Variants in IQCK observed in about 807,000 individuals in gnomAD.
IQCK encodes the protein IQ domain-containing protein K.
IQCK carries 29 observed loss-of-function variants against 28.1 expected under a neutral mutation model. That is an observed-to-expected ratio of 1.03 (90% CI 0.77 to 1.41). The LOEUF is 1.41. Among genes scored for constraint, IQCK ranks in the 40% most tolerant of loss-of-function variants. The pLI, the probability that IQCK is intolerant of heterozygous loss-of-function variation, is 0.00. For synonymous variants in IQCK, 113 were observed against 115.1 expected (o/e 0.98, Z 0.12); for missense variants, 359 against 314.7 (o/e 1.14, Z -1.07).
intron 6 of IQCK, among the ~76,000 whole-genome samples, chr16:19,773,342 C>T (rs2055342984): frequency 6.6e-6 from 1 of 152,138 alleles, no homozygotes; most frequent in Non-Finnish European, 1.5e-5. Context: ...CACAACTTCC[C>T]AACCAATTCT....
At chr16:19,832,589 C>G (rs1011900947) in intron 9 of IQCK, among the ~76,000 whole-genome samples, 1 of 152,090 alleles carries the variant, frequency 6.6e-6, no homozygotes, top group African/African-American at 2.4e-5. Context: ...TACTTAACTT[C>G]AAGGCCTAGG....
At chr16:19,785,255 T>C (rs1410433676) in intron 6 of IQCK, among the ~76,000 whole-genome samples, 1 of 152,182 alleles carries the variant, frequency 6.6e-6, no homozygotes, top group Non-Finnish European at 1.5e-5. Context: ...CTTTGGCCGA[T>C]CTGCTGGGTG....
chr16:19,808,773 C>T (rs912308618), intron 7 of IQCK, among the ~76,000 whole-genome samples: 1 of 152,230 alleles, frequency 6.6e-6, no homozygotes, highest in African/African-American at 2.4e-5. Context: ...TGCAGTTGCA[C>T]AGGGCAGTGC....
intron 1 of IQCK, among the ~76,000 whole-genome samples, chr16:19,722,212 A>G (rs900603834): frequency 2.0e-5 from 3 of 152,166 alleles, no homozygotes; most frequent in African/African-American, 7.2e-5. Flanking sequence ...ACCTCTTAGC[A>G]TAGGATGCGT....
chr16:19,837,667 G>A (rs1031350523), intron 9 of IQCK, among the ~76,000 whole-genome samples: 9 of 152,182 alleles, frequency 5.9e-5, no homozygotes, highest in African/African-American at 1.9e-4. Context: ...AAAGCTGTCA[G>A]CAAAAATAAA....
intron 4 of IQCK, 188 bp downstream of exon 4, chr16:19,735,638 A>G (rs1291860842): frequency 3.5e-6 from 2 of 579,124 alleles, no homozygotes; most frequent in Non-Finnish European, 6.2e-6. Context: ...ATGCGCTGCC[A>G]TCTGTCTGGC....
At chr16:19,739,775 A>G (rs1360564436) in intron 4 of IQCK, among the ~76,000 whole-genome samples, 1 of 152,134 alleles carries the variant, frequency 6.6e-6, no homozygotes, top group Non-Finnish European at 1.5e-5. Context: ...TGATGGCGCC[A>G]CTGCACTCCA....
chr16:19,736,936 C>T (rs1978031567), intron 4 of IQCK, among the ~76,000 whole-genome samples: 1 of 150,644 alleles, frequency 6.6e-6, no homozygotes, highest in Non-Finnish European at 1.5e-5. Context: ...TTGTCTGAGC[C>T]CAGGAGTTCG....
chr16:19,729,432 C>T (rs965424650), intron 1 of IQCK, among the ~76,000 whole-genome samples: 1 of 151,762 alleles, frequency 6.6e-6, no homozygotes, highest in Non-Finnish European at 1.5e-5. Flanking sequence ...GTTAGCCTCT[C>T]CTCCGCATGT....
intron 6 of IQCK, among the ~76,000 whole-genome samples, chr16:19,781,720 G>C (rs184917719): frequency 6.6e-6 from 1 of 152,284 alleles, no homozygotes; most frequent in Non-Finnish European, 1.5e-5. Flanking sequence ...AGGGCGTGGT[G>C]GCTCACGCCT....
chr16:19,813,486 A>G (rs1184257495), intron 7 of IQCK, among the ~76,000 whole-genome samples: 1 of 152,250 alleles, frequency 6.6e-6, no homozygotes, highest in East Asian at 1.9e-4. Context: ...CAGCAGCAGT[A>G]TATGCCAGAA....
In IQCK at chr16:19,820,648, C is replaced by CAAA. The variant is rs35161795; in HGVS notation, c.691-6363_691-6361dup. 8.1e-4 allele frequency among the ~76,000 whole-genome samples: 88 copies of CAAA among 109,076 alleles called. 1 individual carries two copies. Among genetic ancestry groups the CAAA allele is most frequent in the African/African-American group, 2.7e-3 (85 of 31,134 alleles). 71.6% of individuals were successfully genotyped at this position (109,076 alleles called of 152,430 possible). On this transcript the variant is annotated intron_variant, in intron 7 of 7. Coordinates refer to ENST00000564186, the Ensembl canonical transcript of IQCK. ...TGGGCACCAGAGGGAAACTCTGTATCAAAAAAAAAAAAAAAAAGATAAATT... is the reference window on the plus strand; with the variant it reads ...TGGGCACCAGAGGGAAACTCTGTATCAAAAAAAAAAAAAAAAAAAAGATAAATT...
chr16:19,842,524 A>T (rs772683736), intron 9 of IQCK, among the ~76,000 whole-genome samples: 18 of 152,140 alleles, frequency 1.2e-4, no homozygotes, highest in Admixed American at 1.3e-4. Context: ...TCTTCTGTAA[A>T]ATTTTTTCTT....
rs2056137850 is a variant in IQCK, at chr16:19,825,585, T to G, written c.691-1441T>G. ...GCTCTCACCTGTAATCCCAGCACTT[T>G]TAGAGGCCAAGGCTTGAGCCCAGGA... is the stretch of plus-strand genomic sequence containing the variant. On this transcript the variant is annotated intron_variant, in intron 7 of 7. Coordinates refer to ENST00000564186, the Ensembl canonical transcript of IQCK. This position sits in a 1 kb window ranked among gnomAD's most constrained non-coding sequence, Gnocchi z 4.2. 6.6e-6 allele frequency among the ~76,000 whole-genome samples: 1 copy of G among 151,946 alleles called. No homozygotes were observed. Among genetic ancestry groups the G allele is most frequent in the South Asian group, 2.1e-4 (1 of 4,818 alleles).
chr16:19,774,065 A>G (rs2055354749), intron 6 of IQCK, among the ~76,000 whole-genome samples: 1 of 152,208 alleles, frequency 6.6e-6, no homozygotes, highest in African/African-American at 2.4e-5. Context: ...AGAAGATGAC[A>G]GTGAGTCAAA....
At chr16:19,828,191 C>T (rs1289753275), downstream of IQCK, among the ~76,000 whole-genome samples, 2 of 150,602 alleles carry the variant, frequency 1.3e-5, no homozygotes, top group Non-Finnish European at 2.9e-5. Context: ...GGATTACAGG[C>T]ATGAGCCAGC....
intron 6 of IQCK, among the ~76,000 whole-genome samples, chr16:19,780,207 A>T (rs1435793195): frequency 6.6e-6 from 1 of 151,698 alleles, no homozygotes; most frequent in Non-Finnish European, 1.5e-5. Flanking sequence ...TTGCCTGGCT[A>T]ATTTTTGTAT....
At chr16:19,734,897 G>A (rs963534663) in intron 3 of IQCK, among the ~76,000 whole-genome samples, 7 of 152,068 alleles carry the variant, frequency 4.6e-5, no homozygotes, top group Non-Finnish European at 8.8e-5. Context: ...GGCCCTCCCT[G>A]GTACCAGACC....
rs1342448686 is a variant in IQCK, at chr16:19,746,345, A to G, written c.474+10895A>G. Among the ~76,000 whole-genome samples the G allele has an allele frequency of 2.0e-5, 3 of 152,178 alleles. No homozygotes were observed. The East Asian group carries it at 5.8e-4, about 29-fold the overall frequency. On this transcript the variant is annotated intron_variant, in intron 4 of 7. Coordinates refer to ENST00000564186, the Ensembl canonical transcript of IQCK. ...TGTGTTACAAACAATCCAATTACAT[A>G]GACTTTTTTACTTATTTTAAAATGT...
Sources: allele counts gnomAD v4.1 joint callset (sites outside exome capture counted in the v4.1 genomes callset), GRCh38; gene constraint gnomAD v4.1.1; non-coding constraint Gnocchi (gnomAD v3.1); transcripts MANE v1.5; gene names NCBI Gene and HGNC (gene_info 2026-07-23, HGNC 2026-07-21).